The following RAB11FIP4 variants were observed in gnomAD, a reference collection of about 807,000 sequenced individuals.
RAB11FIP4 encodes the protein RAB11 family interacting protein 4, also known as rab11 family-interacting protein 4.
In RAB11FIP4, 23 loss-of-function variants were observed where a neutral mutation model predicts 74.3. The observed-to-expected ratio is 0.31, with a 90% confidence interval of 0.22 to 0.44. The LOEUF (loss-of-function observed/expected upper bound fraction) is 0.44. Ranked by LOEUF, RAB11FIP4 falls within the 20% of genes least tolerant of loss-of-function variation. The pLI is 1.00. For synonymous variants in RAB11FIP4, 360 were observed against 359.9 expected (o/e 1.00, Z 0.00); for missense variants, 630 against 863.9 (o/e 0.73, Z 3.39).
At chr17:31,404,872 G>A (rs983946844) in intron 1 of RAB11FIP4, among the ~76,000 whole-genome samples, 2 of 152,088 alleles carry the variant, frequency 1.3e-5, no homozygotes, top group African/African-American at 4.8e-5. Flanking sequence ...TGGATGGCGG[G>A]GCTGAGTTTG....
chr17:31,509,458 G>A (rs913278007), intron 3 of RAB11FIP4: 3 of 152,270 alleles, frequency 2.0e-5, no homozygotes, highest in African/African-American at 7.2e-5. Flanking sequence ...GTGGTCTTGA[G>A]CTCCTGGCCA....
intron 3 of RAB11FIP4, among the ~76,000 whole-genome samples, chr17:31,456,507 C>T (rs1466587822): frequency 6.6e-6 from 1 of 152,208 alleles, no homozygotes; most frequent in African/African-American, 2.4e-5. Context: ...CTGCTGGCCC[C>T]TAGTACATTC....
chr17:31,465,538 C>T (rs2071676611), intron 3 of RAB11FIP4: 1 of 151,192 alleles, frequency 6.6e-6, no homozygotes, highest in Non-Finnish European at 1.5e-5. Flanking sequence ...AGAACCCCAG[C>T]CCCTGCTGGG....
intron 10 of RAB11FIP4, 47 bp downstream of exon 10, chr17:31,525,277 T>A: frequency 1.3e-6 from 2 of 1,511,338 alleles, no homozygotes; most frequent in Non-Finnish European, 1.8e-6. Flanking sequence ...CCCCCTGTCC[T>A]GGGGCAGCCC....
At chr17:31,440,884 T>A (rs1215743248) in intron 3 of RAB11FIP4, among the ~76,000 whole-genome samples, 2 of 152,238 alleles carry the variant, frequency 1.3e-5, no homozygotes, top group Admixed American at 6.5e-5. Flanking sequence ...GAGATCATAT[T>A]TGAAATTAAA....
In RAB11FIP4 at chr17:31,512,828, G is replaced by A. The variant is rs916792862; in HGVS notation, c.337-4823G>A. On this transcript the variant is annotated intron_variant, in intron 3 of 14. Coordinates refer to ENST00000621161, the MANE Select transcript of RAB11FIP4 (RefSeq NM_032932.6). This position sits in a 1 kb window ranked among gnomAD's most constrained non-coding sequence, Gnocchi z 4.1. ...TAGGGTCCCTGGGTGGTGACTGGAC[G>A]GCCGTGTGTGGACTCCTTTTTCACA... Among the ~76,000 whole-genome samples, 36 of 152,280 alleles carry A rather than the reference G, an allele frequency of 2.4e-4. No homozygotes were observed. The highest frequency in any genetic ancestry group is 7.9e-4 in the African/African-American group (33 of 41,544).
At chr17:31,460,191 A>G (rs781400683) in intron 3 of RAB11FIP4, among the ~76,000 whole-genome samples, 1 of 152,210 alleles carries the variant, frequency 6.6e-6, no homozygotes, top group African/African-American at 2.4e-5. Context: ...TTGGAGACTC[A>G]TGCCTGATGC....
Position 31,521,187 on chromosome 17 carries a change from C to T in RAB11FIP4, c.585C>T (p.Ser195=), listed in dbSNP as rs1309113853. 2 of 1,604,470 alleles carry T rather than the reference C, an allele frequency of 1.2e-6. No homozygotes were observed. The highest frequency in any genetic ancestry group is 1.7e-5 in the Admixed American group (1 of 59,388). Residue 195 remains serine (S), a synonymous_variant, in exon 5 of 15, where the codon TCC becomes TCT. Transcript: ENST00000621161. ...TCAGGTCCCTGGTCCACACTCCATC[C>T]ATGACGACCTCAGACCTTTCTACAC... is the stretch of plus-strand genomic sequence containing the variant. ...PEDKSLVHTP[S]MTTSDLSTHS...
At position 31,525,117 on chromosome 17, in the gene RAB11FIP4, G is replaced by A; in HGVS notation, c.1161G>A (p.Lys387=). 1 of 1,550,588 alleles carries A rather than the reference G, an allele frequency of 6.4e-7. No individual in the cohort carries two copies. Residue 387 remains lysine (K), a synonymous_variant, in exon 10 of 15, where the codon AAG becomes AAA. Transcript: ENST00000621161. ...HRVHELEEMV[K]DQETTAEQAL... Reference sequence around the variant, plus strand: ...TGCATGAGCTGGAGGAGATGGTGAAGGATCAGGAGACCACGGCCGAGCAGG... The same window carrying A: ...TGCATGAGCTGGAGGAGATGGTGAAAGATCAGGAGACCACGGCCGAGCAGG...
chr17:31,536,943 G>C lies in RAB11FIP4; in HGVS notation c.*5211G>C, dbSNP rs2072975395. On this transcript the variant is annotated 3_prime_UTR_variant, in exon 15 of 15. Coordinates refer to ENST00000621161, the MANE Select transcript of RAB11FIP4 (RefSeq NM_032932.6). ...CCTCCCTGCCCCGACCTCGTAGGTTGCTCCTTTCCCCATCTGTAAGGTAGA... is the reference window on the plus strand; with the variant it reads ...CCTCCCTGCCCCGACCTCGTAGGTTCCTCCTTTCCCCATCTGTAAGGTAGA... The C allele has an allele frequency of 5.0e-6, 2 of 398,958 alleles. No homozygotes were observed. Among genetic ancestry groups the C allele is most frequent in the African/African-American group, 4.1e-5 (2 of 48,640 alleles). The allele number at this position is 398,958 out of a possible 1,614,324, so 24.7% of individuals were successfully genotyped here.
At chr17:31,463,029 G>A (rs1318577943) in intron 3 of RAB11FIP4, among the ~76,000 whole-genome samples, 6 of 152,178 alleles carry the variant, frequency 3.9e-5, no homozygotes, top group Non-Finnish European at 7.3e-5. Flanking sequence ...TCATGAGGCC[G>A]CCTCTGCACT....
chr17:31,460,256 C>T (rs951524936), intron 3 of RAB11FIP4, among the ~76,000 whole-genome samples: 1 of 152,220 alleles, frequency 6.6e-6, no homozygotes, highest in Non-Finnish European at 1.5e-5. Flanking sequence ...ATGCTTAACT[C>T]AGAACCTGAC....
chr17:31,505,431 AATTATT>A (rs1311567013), intron 3 of RAB11FIP4, among the ~76,000 whole-genome samples: 2 of 67,170 alleles, frequency 3.0e-5, no homozygotes, highest in Non-Finnish European at 5.2e-5. Flanking sequence ...ATTAATATAT[AATTATT>A]ATATAATATA....
intron 3 of RAB11FIP4, among the ~76,000 whole-genome samples, chr17:31,481,640 A>G (rs1489977144): frequency 3.3e-5 from 5 of 152,278 alleles, no homozygotes; most frequent in Non-Finnish European, 7.4e-5. Flanking sequence ...CTCTCACCCA[A>G]TTCAAGTCAA....
At chr17:31,456,805 T>C (rs1359724758) in intron 3 of RAB11FIP4, among the ~76,000 whole-genome samples, 1 of 152,216 alleles carries the variant, frequency 6.6e-6, no homozygotes, top group East Asian at 1.9e-4. Context: ...AAAAGGAATC[T>C]TGATTTACTA....
intron 1 of RAB11FIP4, among the ~76,000 whole-genome samples, chr17:31,416,263 C>A (rs891851978): frequency 6.6e-6 from 1 of 152,222 alleles, no homozygotes; most frequent in Non-Finnish European, 1.5e-5. Flanking sequence ...CCACATACCC[C>A]CTCTACCAGT....
At chr17:31,448,413 G>GTTTTTTT (rs1567659533) in intron 3 of RAB11FIP4, 1 of 29,722 alleles carries the variant, frequency 3.4e-5, no homozygotes, top group African/African-American at 2.3e-4. Context: ...TTTTTTTTTG[G>GTTTTTTT]CAGAGACCGG....
chr17:31,537,233 T>C lies in RAB11FIP4; in HGVS notation c.*5501T>C, dbSNP rs2072980620. ...TCTCCCTGGCCTTTCCCGAGCCCTG[T>C]AAATGTGTACTTTTTCAACGTGCCT... On this transcript the variant is annotated 3_prime_UTR_variant, in exon 15 of 15. Coordinates refer to ENST00000621161, the MANE Select transcript of RAB11FIP4 (RefSeq NM_032932.6). 2.5e-6 allele frequency: 1 copy of C among 399,286 alleles called. No homozygotes were observed. The highest frequency in any genetic ancestry group is 3.6e-5 in the East Asian group (1 of 28,082). 24.7% of individuals were successfully genotyped at this position (399,286 alleles called of 1,614,324 possible).
chr17:31,525,253 C>A, intron 10 of RAB11FIP4, 23 bp downstream of exon 10: 2 of 1,534,084 alleles, frequency 1.3e-6, no homozygotes, highest in South Asian at 1.2e-5. Flanking sequence ...ACCGAGCCCC[C>A]TCCCTCAGAG....
Sources: allele counts gnomAD v4.1 joint callset (sites outside exome capture counted in the v4.1 genomes callset), GRCh38; gene constraint gnomAD v4.1.1; non-coding constraint Gnocchi (gnomAD v3.1); transcripts MANE v1.5; gene names NCBI Gene and HGNC (gene_info 2026-07-23, HGNC 2026-07-21).